The following CDH13 variants were observed in gnomAD, a reference collection of about 807,000 sequenced individuals.
The protein encoded by CDH13 is cadherin-13.
A neutral mutation model predicts 63.8 loss-of-function variants in CDH13; 24 were observed. The observed-to-expected ratio is 0.38, with a 90% CI of 0.27 to 0.53. CDH13 has a LOEUF of 0.53. CDH13 is among the 20% of genes least tolerant of loss of function. The probability of loss-of-function intolerance (pLI) is 0.85; values close to 1 mark genes in which losing one functional copy is unlikely to be tolerated. For synonymous variants in CDH13, 503 were observed against 355.3 expected, an observed-to-expected ratio of 1.42 and a Z score of -4.67; for missense variants, 1,049 against 903.1, an observed-to-expected ratio of 1.16 and a Z score of -2.07.
intron 5 of CDH13, among the ~76,000 whole-genome samples, chr16:83,276,655 G>A (rs1014987501): frequency 2.0e-5 from 3 of 152,122 alleles, no homozygotes; most frequent in African/African-American, 7.2e-5. Flanking sequence ...AGGATCACGA[G>A]TTCGGGAGAT....
intron 7 of CDH13, among the ~76,000 whole-genome samples, chr16:83,516,828 G>A (rs1409770958): frequency 6.6e-6 from 1 of 152,230 alleles, no homozygotes; most frequent in African/African-American, 2.4e-5. Context: ...TGGCATTGTT[G>A]TGTACAACAG....
At chr16:83,060,756 T>C (rs1179490077) in intron 3 of CDH13, among the ~76,000 whole-genome samples, 1 of 152,214 alleles carries the variant, frequency 6.6e-6, no homozygotes, top group Non-Finnish European at 1.5e-5. Flanking sequence ...TAAAAGCAGG[T>C]AATAACTGTC....
At chr16:83,302,117 G>C (rs79028139) in intron 5 of CDH13, among the ~76,000 whole-genome samples, 11,019 of 152,254 alleles carry the variant, frequency 0.072, 564 homozygotes, top group Non-Finnish European at 0.11. Context: ...GTAACACACA[G>C]AGAATGCTTA....
At chr16:83,486,947 C>T (rs1288504168) in intron 7 of CDH13, among the ~76,000 whole-genome samples, 1 of 152,132 alleles carries the variant, frequency 6.6e-6, no homozygotes, top group Non-Finnish European at 1.5e-5. Flanking sequence ...CTAGACTCTG[C>T]CTCTGGCCCC....
intron 5 of CDH13, among the ~76,000 whole-genome samples, chr16:83,294,005 A>G (rs17196406): frequency 0.036 from 5,553 of 152,178 alleles, 125 homozygotes; most frequent in South Asian, 0.062. Flanking sequence ...ATCAATAACT[A>G]CCCCAAGTTG....
intron 7 of CDH13, among the ~76,000 whole-genome samples, chr16:83,541,830 C>A (rs913586117): frequency 2.0e-5 from 3 of 152,228 alleles, no homozygotes; most frequent in Non-Finnish European, 4.4e-5. Flanking sequence ...AAAGTAAGGT[C>A]TTCTCCTATG....
chr16:83,469,711 C>A (rs1026203013), intron 6 of CDH13, among the ~76,000 whole-genome samples: 2 of 152,164 alleles, frequency 1.3e-5, no homozygotes, highest in African/African-American at 4.8e-5. Context: ...TAGCACAGGG[C>A]CTGCCACAAA....
intron 5 of CDH13, among the ~76,000 whole-genome samples, chr16:83,261,201 A>C (rs16959991): frequency 6.6e-6 from 1 of 152,128 alleles, no homozygotes; most frequent in Non-Finnish European, 1.5e-5. Context: ...CGGAGTGGGC[A>C]GATACAGCCA....
intron 2 of CDH13, among the ~76,000 whole-genome samples, chr16:82,948,061 C>A (rs1020700801): frequency 2.0e-5 from 3 of 152,128 alleles, no homozygotes; most frequent in African/African-American, 7.2e-5. Context: ...ACTAAGCATT[C>A]TTTAATGGAC....
chr16:83,046,497 G>A (rs1917796426), intron 3 of CDH13, among the ~76,000 whole-genome samples: 1 of 152,138 alleles, frequency 6.6e-6, no homozygotes, highest in African/African-American at 2.4e-5. Context: ...TATATGTTTT[G>A]AGAATTTTAT....
chr16:83,273,638 C>G (rs2088893734), intron 5 of CDH13, among the ~76,000 whole-genome samples: 1 of 152,034 alleles, frequency 6.6e-6, no homozygotes, highest in African/African-American at 2.4e-5. Flanking sequence ...ACAGGGAGGC[C>G]CATTTAAAAG....
chr16:83,391,609 A>C (rs2091787804), intron 6 of CDH13, among the ~76,000 whole-genome samples: 1 of 151,970 alleles, frequency 6.6e-6, no homozygotes, highest in African/African-American at 2.4e-5. Flanking sequence ...ACTCTGGCGC[A>C]ACCCCCCTGG....
chr16:82,677,251 T>G (rs16958148), intron 1 of CDH13, among the ~76,000 whole-genome samples: 23,702 of 152,220 alleles, frequency 0.16, 2,094 homozygotes, highest in East Asian at 0.27. Flanking sequence ...CCTTTGTATT[T>G]CAGGTCTATT....
intron 3 of CDH13, among the ~76,000 whole-genome samples, chr16:83,067,408 C>T (rs1263481093): frequency 6.6e-6 from 1 of 152,078 alleles, no homozygotes; most frequent in Non-Finnish European, 1.5e-5. Context: ...GGGAACCATC[C>T]ATAGTTGGTT....
intron 10 of CDH13, among the ~76,000 whole-genome samples, chr16:83,742,369 CT>C (rs764285647): frequency 1.3e-5 from 2 of 152,180 alleles, no homozygotes; most frequent in Non-Finnish European, 2.9e-5. Flanking sequence ...TTGGCAAGCA[CT>C]CAGAGCAGCT....
intron 1 of CDH13, among the ~76,000 whole-genome samples, chr16:82,819,039 T>A (rs550181678): frequency 6.6e-6 from 1 of 152,316 alleles, no homozygotes; most frequent in East Asian, 1.9e-4. Context: ...TCATCTGGCA[T>A]GTGTGATTGC....
chr16:83,120,802 C>T (rs2035536403), intron 3 of CDH13, among the ~76,000 whole-genome samples: 1 of 123,956 alleles, frequency 8.1e-6, no homozygotes, highest in Admixed American at 8.7e-5. Flanking sequence ...CTCACCGTGT[C>T]ACCCAGGCTG....
intron 7 of CDH13, among the ~76,000 whole-genome samples, chr16:83,532,750 G>T (rs185801646): frequency 1.8e-3 from 275 of 152,238 alleles, no homozygotes; most frequent in Non-Finnish European, 2.6e-3. Flanking sequence ...ACGCTGGTCC[G>T]GACTTGAGCG....
intron 11 of CDH13, among the ~76,000 whole-genome samples, chr16:83,761,944 G>A (rs1022913423): frequency 6.6e-6 from 1 of 152,100 alleles, no homozygotes; most frequent in Non-Finnish European, 1.5e-5. Context: ...GTGCATGCCT[G>A]TAGTCCCAGC....
Sources: allele counts gnomAD v4.1 joint callset (sites outside exome capture counted in the v4.1 genomes callset), GRCh38; gene constraint gnomAD v4.1.1; transcripts MANE v1.5; gene names NCBI Gene and HGNC (gene_info 2026-07-23, HGNC 2026-07-21).